The following KLHL32 variants were observed in gnomAD, a reference collection of about 807,000 sequenced individuals.
The protein encoded by KLHL32 is kelch like family member 32, also known as kelch-like protein 32.
KLHL32 carries 35 observed loss-of-function variants against 64.8 expected under a neutral mutation model. The observed-to-expected ratio is 0.54, with a 90% confidence interval of 0.41 to 0.72. KLHL32 has a LOEUF of 0.72. Among genes scored for constraint, KLHL32 ranks in the 30% least tolerant of loss-of-function variants. The pLI is 0.00. For missense variants in KLHL32, 589 were observed against 768.5 expected (o/e 0.77, Z 2.76); for synonymous variants, 259 against 281.0 (o/e 0.92, Z 0.78).
In KLHL32 at chr6:96,996,689, A is replaced by G. The variant is rs188824369; in HGVS notation, c.204+20512A>G. Among the ~76,000 whole-genome samples, 468 of 152,190 alleles carry G rather than the reference A, an allele frequency of 3.1e-3. 4 individuals are homozygous for G. The highest frequency in any genetic ancestry group is 4.4e-3 in the Non-Finnish European group (299 of 68,004). On this transcript the variant is annotated intron_variant, in intron 3 of 10. Coordinates refer to ENST00000369261, the MANE Select transcript of KLHL32 (RefSeq NM_052904.4). ...ATTTTTATCCCTTTTCCTCTCTTCA[A>G]CATTCTCAAGCAATAACAATAATAA... is the stretch of plus-strand genomic sequence containing the variant.
At chr6:97,017,469 A>T (rs1291734268) in intron 3 of KLHL32, among the ~76,000 whole-genome samples, 1 of 152,216 alleles carries the variant, frequency 6.6e-6, no homozygotes, top group African/African-American at 2.4e-5. Flanking sequence ...GACTGATGGA[A>T]CAGATAATGC....
intron 1 of KLHL32, among the ~76,000 whole-genome samples, chr6:96,931,183 G>C (rs1040181962): frequency 2.6e-5 from 4 of 152,124 alleles, no homozygotes; most frequent in Non-Finnish European, 5.9e-5. Flanking sequence ...TTCCCGAACA[G>C]AATACTTTCT....
In KLHL32 at chr6:97,114,376, T is replaced by C; in HGVS notation, c.1221T>C (p.Asn407=). The change falls in exon 7 of 11, where the codon AAT becomes AAC. Residue 407 remains asparagine, a synonymous_variant. Transcript: ENST00000369261. ...EEYLYAVGGR[N]ELRQVLPTVE... is the part of the protein sequence containing the mutation. ...ACCTCTATGCAGTTGGGGGCAGAAA[T>C]GAACTGCGCCAGGTTCTGCCTACAG... 6.2e-7 allele frequency: 1 copy of C among 1,614,182 alleles called. No individual in the cohort carries two copies. Among genetic ancestry groups the C allele is most frequent in the East Asian group, 2.2e-5 (1 of 44,876 alleles).
chr6:96,974,174 A>T (rs1218194579), intron 2 of KLHL32, among the ~76,000 whole-genome samples: 1 of 152,160 alleles, frequency 6.6e-6, no homozygotes, highest in African/African-American at 2.4e-5. Context: ...TGTTGTGCAG[A>T]TTACATGAAC....
Position 96,988,614 on chromosome 6 carries a change from A to G in KLHL32, c.204+12437A>G, listed in dbSNP as rs564041382. ...CCATCCCATTACTGGGTATATACCC[A>G]AAGGATTATAAATCATGCTGCTATA... On this transcript the variant is annotated intron_variant, in intron 3 of 10. Coordinates refer to ENST00000369261, the MANE Select transcript of KLHL32 (RefSeq NM_052904.4). 8.4e-3 allele frequency among the ~76,000 whole-genome samples: 1,279 copies of G among 152,336 alleles called. 31 individuals are homozygous for G. The highest frequency in any genetic ancestry group is 0.03 in the African/African-American group (1,226 of 41,558).
intron 6 of KLHL32, among the ~76,000 whole-genome samples, chr6:97,103,358 C>A (rs1795983809): frequency 6.6e-6 from 1 of 151,986 alleles, no homozygotes; most frequent in African/African-American, 2.4e-5. Flanking sequence ...GGACTATAGG[C>A]ACCTGCCATC....
At chr6:96,908,778 G>A in the KLHL32 span, among the ~76,000 whole-genome samples, 4 of 151,432 alleles carry the variant, frequency 2.6e-5, no homozygotes, top group Non-Finnish European at 4.4e-5. Context: ...CCACTGTCCT[G>A]CCCCCTCCCC....
rs758626208 is a variant in KLHL32, at chr6:97,114,174, G to C, written c.1019G>C (p.Cys340Ser). ...APMPVGRSHHCVAVMGDFLFV... is the reference protein window; with the variant it reads ...APMPVGRSHHSVAVMGDFLFV... ...ATGCCTGTGGGAAGGAGCCACCATT[G>C]TGTGGCAGTCATGGGGGACTTCCTG... Residue 340 changes from cysteine (C) to serine (S), a missense_variant, in exon 7 of 11, where the codon TGT becomes TCT. By Grantham distance (112) the Cys-to-Ser change is moderately radical. Around this residue, in one of 3 missense-constraint regions of KLHL32, gnomAD observed 226 missense variants for 353.2 expected, o/e 0.64. Coordinates refer to ENST00000369261, the MANE Select transcript of KLHL32 (RefSeq NM_052904.4). The C allele has an allele frequency of 1.2e-6, 2 of 1,614,082 alleles. No homozygotes were observed. The highest frequency in any genetic ancestry group is 1.6e-4 in the Middle Eastern group (1 of 6,084).
chr6:97,069,398 T>TC (rs1290852220), intron 5 of KLHL32, among the ~76,000 whole-genome samples: 4 of 143,116 alleles, frequency 2.8e-5, no homozygotes, highest in African/African-American at 1.1e-4. Flanking sequence ...GTGATTTTGT[T>TC]CCTTTTTTTT....
chr6:97,038,441 A>C (rs1784616910), intron 3 of KLHL32, among the ~76,000 whole-genome samples: 1 of 152,176 alleles, frequency 6.6e-6, no homozygotes, highest in Non-Finnish European at 1.5e-5. Context: ...GCATCAGAAG[A>C]TGCAAATCAA....
intron 3 of KLHL32, among the ~76,000 whole-genome samples, chr6:96,996,077 T>A (rs9387023): frequency 0.25 from 37,296 of 152,106 alleles, 5,913 homozygotes; most frequent in East Asian, 0.53. Context: ...TGACAGTGGG[T>A]ACACATAAGT....
intron 6 of KLHL32, among the ~76,000 whole-genome samples, chr6:97,107,279 A>G (rs937697549): frequency 6.6e-6 from 1 of 151,260 alleles, no homozygotes; most frequent in Admixed American, 6.6e-5. Flanking sequence ...GGCGAAAGGC[A>G]AGACTCCATC....
At chr6:97,116,889 G>C (rs1367023062) in intron 7 of KLHL32, among the ~76,000 whole-genome samples, 1 of 151,872 alleles carries the variant, frequency 6.6e-6, no homozygotes. Flanking sequence ...TTCTTCTTTT[G>C]CACTAATATA....
In KLHL32 at chr6:97,075,552, A is replaced by T. The variant is rs1281464977; in HGVS notation, c.412-9574A>T. Among the ~76,000 whole-genome samples, 5 of 152,040 alleles carry T rather than the reference A, an allele frequency of 3.3e-5. No homozygotes were observed. In the East Asian group the frequency reaches 9.7e-4, roughly 29 times the overall value. On this transcript the variant is annotated intron_variant, in intron 5 of 10. Transcript: ENST00000369261. ...CTTCACATGCACAATAAACATGATA[A>T]CTTCTTTCCTATATAACTGATCCCA...
At chr6:97,083,235 C>T (rs1792856539) in intron 5 of KLHL32, among the ~76,000 whole-genome samples, 1 of 151,988 alleles carries the variant, frequency 6.6e-6, no homozygotes, top group East Asian at 1.9e-4. Context: ...ACTAAAAATC[C>T]AAAAATTAGC....
chr6:96,932,575 C>CCTT (rs1554201325), intron 1 of KLHL32, among the ~76,000 whole-genome samples: 4 of 73,816 alleles, frequency 5.4e-5, no homozygotes, highest in African/African-American at 1.5e-4. Flanking sequence ...CCCCCCCCCC[C>CCTT]TTTTTTTTTT....
chr6:97,054,391 C>T (rs1787461700), intron 4 of KLHL32, among the ~76,000 whole-genome samples: 2 of 152,172 alleles, frequency 1.3e-5, no homozygotes, highest in Non-Finnish European at 2.9e-5. Context: ...ATGCTAAGGA[C>T]TTACTAGTTG....
chr6:96,987,433 C>G (rs1189063207), intron 3 of KLHL32, among the ~76,000 whole-genome samples: 1 of 152,130 alleles, frequency 6.6e-6, no homozygotes, highest in East Asian at 1.9e-4. Context: ...TGGCAAACCA[C>G]TGCTCAATGA....
At chr6:97,067,429 T>C (rs373379205) in intron 5 of KLHL32, among the ~76,000 whole-genome samples, 2 of 152,214 alleles carry the variant, frequency 1.3e-5, no homozygotes, top group East Asian at 1.9e-4. Context: ...GCAATGTATT[T>C]AATGCTAATT....
Sources: gnomAD v4.1 joint callset for allele counts (sites outside exome capture counted in the v4.1 genomes callset) on GRCh38, gnomAD v4.1.1 for gene constraint, gnomAD v4.1.1 regional missense constraint, MANE v1.5 for transcripts, NCBI Gene and HGNC (gene_info 2026-07-23, HGNC 2026-07-21) for gene names.